Variants in GPR158 observed in about 807,000 individuals in gnomAD.
GPR158 encodes metabotropic glycine receptor.
GPR158 carries 30 observed loss-of-function variants against 78.2 expected under a neutral mutation model. That is an observed-to-expected ratio of 0.38 (90% CI 0.29 to 0.52). GPR158 has a LOEUF of 0.52. Among genes scored for constraint, GPR158 ranks in the 20% least tolerant of loss-of-function variants. The pLI is 0.83. For missense variants in GPR158, 1,463 were observed against 1,523.5 expected (o/e 0.96, Z 0.66); for synonymous variants, 581 against 591.1 (o/e 0.98, Z 0.25).
At chr10:25,413,137 A>G (rs1268584204) in intron 4 of GPR158, among the ~76,000 whole-genome samples, 1 of 151,878 alleles carries the variant, frequency 6.6e-6, no homozygotes, top group African/African-American at 2.4e-5. Flanking sequence ...CCTGACCAAC[A>G]TAGCAAGACC....
intron 2 of GPR158, among the ~76,000 whole-genome samples, chr10:25,388,042 C>G (rs1413440454): frequency 6.6e-6 from 1 of 152,150 alleles, no homozygotes; most frequent in Non-Finnish European, 1.5e-5. Flanking sequence ...ACTCTAAACT[C>G]TTGACCACCA....
At chr10:25,375,695 G>A (rs750402622) in intron 2 of GPR158, among the ~76,000 whole-genome samples, 32 of 151,506 alleles carry the variant, frequency 2.1e-4, no homozygotes, top group Non-Finnish European at 3.1e-4. Flanking sequence ...TCAAAAATTA[G>A]TTGGGCATAT....
intron 5 of GPR158, among the ~76,000 whole-genome samples, chr10:25,488,794 T>C (rs1379413710): frequency 2.0e-5 from 3 of 152,134 alleles, no homozygotes; most frequent in African/African-American, 7.2e-5. Flanking sequence ...TCACCTAAGA[T>C]AGATTTTCAT....
intron 1 of GPR158, among the ~76,000 whole-genome samples, chr10:25,219,121 A>G (rs948391140): frequency 2.0e-5 from 3 of 152,214 alleles, no homozygotes; most frequent in Admixed American, 1.3e-4. Flanking sequence ...CTTCGATTGA[A>G]AGTTCTGATA....
chr10:25,229,806 A>C (rs990578235), intron 2 of GPR158, among the ~76,000 whole-genome samples: 1 of 152,162 alleles, frequency 6.6e-6, no homozygotes. Context: ...AGATGATGGG[A>C]TATTATCCTG....
intron 7 of GPR158, among the ~76,000 whole-genome samples, chr10:25,575,516 A>G (rs1837080224): frequency 1.3e-5 from 2 of 152,070 alleles, no homozygotes; most frequent in Non-Finnish European, 2.9e-5. Context: ...CCTCAATCAG[A>G]CACTCCCGGA....
chr10:25,448,232 C>T (rs1477070670), intron 4 of GPR158, among the ~76,000 whole-genome samples: 1 of 151,852 alleles, frequency 6.6e-6, no homozygotes, highest in South Asian at 2.1e-4. Context: ...CTACAGGTGC[C>T]CGCCACCACG....
At chr10:25,444,519 G>T (rs1166408793) in intron 4 of GPR158, among the ~76,000 whole-genome samples, 2 of 151,190 alleles carry the variant, frequency 1.3e-5, no homozygotes, top group African/African-American at 2.4e-5. Flanking sequence ...ATGCGTGTGG[G>T]TATGTGTGTG....
At chr10:25,384,907 T>C (rs918417821) in intron 2 of GPR158, among the ~76,000 whole-genome samples, 1 of 152,224 alleles carries the variant, frequency 6.6e-6, no homozygotes, top group African/African-American at 2.4e-5. Context: ...AATGTTTACA[T>C]ACACATCTTT....
intron 2 of GPR158, among the ~76,000 whole-genome samples, chr10:25,317,070 C>G (rs1178903920): frequency 6.8e-6 from 1 of 147,780 alleles, no homozygotes; most frequent in Non-Finnish European, 1.5e-5. Flanking sequence ...TTTTTTGAGA[C>G]AAGGTCTCAC....
At chr10:25,356,579 A>C (rs116144779) in intron 2 of GPR158, among the ~76,000 whole-genome samples, 5,992 of 136,530 alleles carry the variant, frequency 0.044, 356 homozygotes, top group African/African-American at 0.18. Flanking sequence ...AATGGGTCTT[A>C]CAAGATTTGA....
rs189372991 is a variant in GPR158 at position 25,451,717 on chromosome 10, G to A, written c.1336-14934G>A. 2.7e-4 allele frequency among the ~76,000 whole-genome samples: 41 copies of A among 152,166 alleles called. 1 individual carries two copies. In the East Asian group the frequency reaches 7.7e-3, roughly 29 times the overall value. ...TCAGGCTTTTTCAATTATAAAGCGC[G>A]TACCTACTATTTGTTGTGAGGGTTA... On this transcript the variant is annotated intron_variant, in intron 4 of 10. Coordinates refer to ENST00000376351, the MANE Select transcript of GPR158 (RefSeq NM_020752.3).
At position 25,522,953 on chromosome 10, in the gene GPR158, A is replaced by G. The variant is rs548050432; in HGVS notation, c.1405-28023A>G. Among the ~76,000 whole-genome samples, 4 of 152,354 alleles carry G rather than the reference A, an allele frequency of 2.6e-5. No individual in the cohort carries two copies. In the East Asian group the frequency reaches 7.7e-4, roughly 29 times the overall value. On this transcript the variant is annotated intron_variant, in intron 5 of 10. Transcript: ENST00000376351. ...TTCTATTTTTTTTAAACTTAAAAAA[A>G]GTAAAATTGTATTTAAAAGTACTTT...
At chr10:25,271,701 G>T (rs1006680898) in intron 2 of GPR158, among the ~76,000 whole-genome samples, 1 of 152,104 alleles carries the variant, frequency 6.6e-6, no homozygotes, top group Non-Finnish European at 1.5e-5. Flanking sequence ...CCTTCTTGTT[G>T]GCCAAGGTGG....
chr10:25,428,079 T>G (rs1371727922), intron 4 of GPR158, among the ~76,000 whole-genome samples: 3 of 152,072 alleles, frequency 2.0e-5, no homozygotes, highest in Non-Finnish European at 2.9e-5. Context: ...TACATTTGTT[T>G]CACTGACAGG....
chr10:25,178,712 G>T (rs1417965870), intron 1 of GPR158, among the ~76,000 whole-genome samples: 2 of 152,144 alleles, frequency 1.3e-5, no homozygotes, highest in African/African-American at 4.8e-5. Flanking sequence ...GAGTGCTTTG[G>T]CCCCATATCC....
At position 25,329,444 on chromosome 10, in the gene GPR158, A is replaced by T. The variant is rs368471334; in HGVS notation, c.1009-66467A>T. 7.2e-5 allele frequency among the ~76,000 whole-genome samples: 11 copies of T among 152,098 alleles called. No individual in the cohort carries two copies. In the South Asian group the frequency reaches 2.1e-3, roughly 29 times the overall value. On this transcript the variant is annotated intron_variant, in intron 2 of 10. Coordinates refer to ENST00000376351, the MANE Select transcript of GPR158 (RefSeq NM_020752.3). ...AACAGAGTGAGACTCCGTTTCAAAA[A>T]AAAAAAAAGAAGATGCATTTTATTT...
Position 25,228,098 on chromosome 10 carries a change from C to A in GPR158, c.1008+6941C>A, listed in dbSNP as rs147906504. ...TTTAAGCCTGGGGAACATAGCGAGA[C>A]CCTGTCGCTACAAAAAATTTTAAAA... On this transcript the variant is annotated intron_variant, in intron 2 of 10. Transcript: ENST00000376351. Among the ~76,000 whole-genome samples, 71 of 152,222 alleles carry A rather than the reference C, an allele frequency of 4.7e-4. 1 individual carries two copies. The East Asian group carries it at 0.013, about 28-fold the overall frequency.
At chr10:25,345,948 C>T (rs938101841) in intron 2 of GPR158, among the ~76,000 whole-genome samples, 1 of 151,886 alleles carries the variant, frequency 6.6e-6, no homozygotes, top group African/African-American at 2.4e-5. Flanking sequence ...TGTTGGATTA[C>T]AATCTCTGTG....
Sources: allele counts gnomAD v4.1 joint callset (sites outside exome capture counted in the v4.1 genomes callset), GRCh38; gene constraint gnomAD v4.1.1; transcripts MANE v1.5; gene names NCBI Gene and HGNC (gene_info 2026-07-23, HGNC 2026-07-21).